The following LINGO2 variants were observed in gnomAD, a reference collection of about 807,000 sequenced individuals.
The protein encoded by LINGO2 is leucine rich repeat and Ig domain containing 2, also known as leucine-rich repeat and immunoglobulin-like domain-containing nogo receptor-interacting protein 2.
In LINGO2, 14 loss-of-function variants were observed where a neutral mutation model predicts 30.6. The observed-to-expected ratio is 0.46, with a 90% CI of 0.30 to 0.72. The LOEUF (loss-of-function observed/expected upper bound fraction) is 0.72, where lower values mean the gene tolerates loss of function less well. Ranked by LOEUF, LINGO2 falls within the 30% of genes least tolerant of loss-of-function variation. The pLI, the probability that LINGO2 is intolerant of heterozygous loss-of-function variation, is 0.07. For synonymous variants in LINGO2, 317 were observed against 288.5 expected, an observed-to-expected ratio of 1.10 and a Z score of -1.00; for missense variants, 729 against 751.7, an observed-to-expected ratio of 0.97 and a Z score of 0.35.
At chr9:28,233,555 A>G (rs935835183) in intron 4 of LINGO2, among the ~76,000 whole-genome samples, 4 of 152,204 alleles carry the variant, frequency 2.6e-5, no homozygotes, top group Admixed American at 6.5e-5. Context: ...GAATAGTGTT[A>G]TAAGTGTGAC....
the LINGO2 span, among the ~76,000 whole-genome samples, chr9:28,708,908 T>C: frequency 6.6e-6 from 1 of 152,164 alleles, no homozygotes; most frequent in Non-Finnish European, 1.5e-5. Flanking sequence ...AGATTATTTA[T>C]GTTTTCTTGT....
At chr9:28,023,843 T>C (rs1823251105) in intron 4 of LINGO2, among the ~76,000 whole-genome samples, 1 of 152,142 alleles carries the variant, frequency 6.6e-6, no homozygotes, top group South Asian at 2.1e-4. Context: ...CCTAAGATTA[T>C]GCCACACAGG....
chr9:27,968,611 A>G (rs774100745), intron 5 of LINGO2, among the ~76,000 whole-genome samples: 4 of 151,944 alleles, frequency 2.6e-5, no homozygotes, highest in Non-Finnish European at 4.4e-5. Flanking sequence ...TTATTTAAAA[A>G]ATGTTTTCAA....
chr9:28,271,273 A>C (rs191922455), intron 4 of LINGO2, among the ~76,000 whole-genome samples: 1 of 152,170 alleles, frequency 6.6e-6, no homozygotes, highest in African/African-American at 2.4e-5. Context: ...CTACCTTTAC[A>C]TATATTCACT....
At chr9:28,542,653 A>G (rs1259211102) in intron 1 of LINGO2, among the ~76,000 whole-genome samples, 1 of 152,062 alleles carries the variant, frequency 6.6e-6, no homozygotes, top group African/African-American at 2.4e-5. Context: ...CCTTTACCCC[A>G]TCACCACTGA....
At chr9:28,543,642 T>C (rs1821803364) in intron 1 of LINGO2, among the ~76,000 whole-genome samples, 1 of 152,130 alleles carries the variant, frequency 6.6e-6, no homozygotes, top group Non-Finnish European at 1.5e-5. Flanking sequence ...ACTTTTTCTA[T>C]ATTTAGTGTG....
intron 1 of LINGO2, among the ~76,000 whole-genome samples, chr9:28,506,303 G>A (rs898204422): frequency 2.0e-5 from 3 of 150,236 alleles, no homozygotes; most frequent in African/African-American, 7.3e-5. Context: ...ATTTGACGAT[G>A]TTCAATTGTA....
chr9:28,904,584 CA>C, the LINGO2 span, among the ~76,000 whole-genome samples: 3 of 150,800 alleles, frequency 2.0e-5, no homozygotes, highest in Admixed American at 6.6e-5. Flanking sequence ...AAAAAGAAAC[CA>C]AAAGAACAAT....
chr9:28,051,217 A>C (rs753328917), intron 4 of LINGO2, among the ~76,000 whole-genome samples: 1 of 151,952 alleles, frequency 6.6e-6, no homozygotes, highest in East Asian at 1.9e-4. Context: ...ATCAGCTAGT[A>C]TAGTTTTCTC....
intron 1 of LINGO2, among the ~76,000 whole-genome samples, chr9:28,578,040 G>A (rs1416714158): frequency 6.6e-6 from 1 of 152,160 alleles, no homozygotes; most frequent in African/African-American, 2.4e-5. Flanking sequence ...GCAGGCAATG[G>A]TGCAGGAAAG....
At chr9:28,031,162 ACACT>A (rs1261811707) in intron 4 of LINGO2, among the ~76,000 whole-genome samples, 3 of 152,148 alleles carry the variant, frequency 2.0e-5, no homozygotes, top group African/African-American at 7.2e-5. Flanking sequence ...AATGGGAGAA[ACACT>A]CATCTTCCTG....
intron 4 of LINGO2, among the ~76,000 whole-genome samples, chr9:28,047,095 A>G (rs1272169698): frequency 6.6e-6 from 1 of 152,130 alleles, no homozygotes; most frequent in East Asian, 1.9e-4. Flanking sequence ...TAAATAGATT[A>G]AGAGAGCAAT....
chr9:28,687,605 C>A, the LINGO2 span, among the ~76,000 whole-genome samples: 8 of 152,046 alleles, frequency 5.3e-5, no homozygotes, highest in African/African-American at 1.9e-4. Flanking sequence ...CATTTGTCCT[C>A]TTTCTCTCTC....
chr9:28,531,988 A>T (rs1821252171), intron 1 of LINGO2, among the ~76,000 whole-genome samples: 1 of 152,194 alleles, frequency 6.6e-6, no homozygotes, highest in African/African-American at 2.4e-5. Flanking sequence ...ATGGATTTTA[A>T]ACTGTTATGG....
chr9:28,954,970 C>T, the LINGO2 span, among the ~76,000 whole-genome samples: 34 of 152,182 alleles, frequency 2.2e-4, no homozygotes, highest in South Asian at 5.8e-3. Context: ...ATGACTCATA[C>T]CGAACCAATG....
intron 1 of LINGO2, among the ~76,000 whole-genome samples, chr9:28,640,075 T>A (rs1226657116): frequency 2.6e-5 from 4 of 152,158 alleles, no homozygotes; most frequent in Non-Finnish European, 1.5e-5. Context: ...CTCCTTCACT[T>A]ATGAAGCTTA....
At chr9:29,005,694 C>T in the LINGO2 span, among the ~76,000 whole-genome samples, 2 of 151,930 alleles carry the variant, frequency 1.3e-5, no homozygotes, top group African/African-American at 4.8e-5. Flanking sequence ...CTCTGTGGAA[C>T]CCACATATAT....
At chr9:28,033,060 C>T (rs1823759366) in intron 4 of LINGO2, among the ~76,000 whole-genome samples, 1 of 152,170 alleles carries the variant, frequency 6.6e-6, no homozygotes, top group African/African-American at 2.4e-5. Flanking sequence ...TAGACAGAAG[C>T]CAGTACTGTT....
At chr9:28,365,707 T>C (rs1820638752) in intron 3 of LINGO2, among the ~76,000 whole-genome samples, 1 of 151,828 alleles carries the variant, frequency 6.6e-6, no homozygotes, top group African/African-American at 2.4e-5. Flanking sequence ...TACCCTGCCT[T>C]TTCAGAGTTA....
Sources: allele counts gnomAD v4.1 joint callset (sites outside exome capture counted in the v4.1 genomes callset), GRCh38; gene constraint gnomAD v4.1.1; transcripts MANE v1.5; gene names NCBI Gene and HGNC (gene_info 2026-07-23, HGNC 2026-07-21).